The following SYN3 variants were observed in gnomAD, a reference collection of about 807,000 sequenced individuals.
The protein encoded by SYN3 is synapsin-3.
In SYN3, 35 loss-of-function variants were observed where a neutral mutation model predicts 65.8. The ratio of observed to expected loss-of-function variants is 0.53; its 90% CI spans 0.41 to 0.70. SYN3 has a LOEUF of 0.70. Among genes scored for constraint, SYN3 ranks in the 30% least tolerant of loss-of-function variants. The pLI is 0.00. For synonymous variants in SYN3, 270 were observed against 292.9 expected (o/e 0.92, Z 0.80); for missense variants, 680 against 749.0 (o/e 0.91, Z 1.08).
intron 7 of SYN3, among the ~76,000 whole-genome samples, chr22:32,564,414 T>C (rs1381256798): frequency 6.6e-6 from 1 of 152,206 alleles, no homozygotes; most frequent in African/African-American, 2.4e-5. Flanking sequence ...TCTGTAACCA[T>C]GGCCAGCCTT....
At chr22:32,532,794 CG>C (rs2058098894) in intron 10 of SYN3, among the ~76,000 whole-genome samples, 1 of 152,172 alleles carries the variant, frequency 6.6e-6, no homozygotes, top group African/African-American at 2.4e-5. Flanking sequence ...GCCCACACCC[CG>C]GGGAGGGGAC....
intron 6 of SYN3, among the ~76,000 whole-genome samples, chr22:32,748,793 C>A (rs1321132549): frequency 2.6e-5 from 4 of 152,172 alleles, no homozygotes. Context: ...ACATTAGAAG[C>A]CCCTGGTCTC....
intron 7 of SYN3, among the ~76,000 whole-genome samples, chr22:32,582,007 C>T (rs1022275506): frequency 6.6e-6 from 1 of 151,952 alleles, no homozygotes; most frequent in Admixed American, 6.6e-5. Flanking sequence ...ACCATGTTGG[C>T]CAGGCTGGTC....
At chr22:32,711,671 A>T (rs1445418103) in intron 6 of SYN3, among the ~76,000 whole-genome samples, 1 of 152,204 alleles carries the variant, frequency 6.6e-6, no homozygotes, top group Non-Finnish European at 1.5e-5. Context: ...CACTGGAAGA[A>T]ATCTCAATTC....
chr22:32,882,074 C>G (rs1300687653), intron 4 of SYN3, among the ~76,000 whole-genome samples: 1 of 150,340 alleles, frequency 6.7e-6, no homozygotes, highest in African/African-American at 2.4e-5. Context: ...AAAAAGGAAC[C>G]TCGAGGGTTT....
intron 4 of SYN3, among the ~76,000 whole-genome samples, chr22:32,872,936 CTTT>C (rs35506480): frequency 1.1e-4 from 13 of 115,158 alleles, no homozygotes; most frequent in East Asian, 1.0e-3. Context: ...GCCCTAAGCA[CTTT>C]TTTTTTTTTT....
chr22:33,012,326 T>G (rs1444986736), intron 1 of SYN3, among the ~76,000 whole-genome samples: 1 of 152,256 alleles, frequency 6.6e-6, no homozygotes, highest in East Asian at 1.9e-4. Flanking sequence ...ATTATTGTCT[T>G]GTTAATGCTT....
intron 6 of SYN3, among the ~76,000 whole-genome samples, chr22:32,714,738 T>C (rs1030044964): frequency 4.6e-5 from 7 of 152,198 alleles, no homozygotes; most frequent in African/African-American, 1.7e-4. Flanking sequence ...AAGATAGGCT[T>C]TGTGCTGCTA....
At chr22:32,949,272 G>T (rs1049741271) in intron 3 of SYN3, among the ~76,000 whole-genome samples, 3 of 151,930 alleles carry the variant, frequency 2.0e-5, no homozygotes, top group Non-Finnish European at 4.4e-5. Flanking sequence ...GCCAGGCATG[G>T]TGGTGTGCAC....
chr22:32,999,140 G>A (rs533618575), intron 2 of SYN3, among the ~76,000 whole-genome samples: 19 of 152,314 alleles, frequency 1.2e-4, no homozygotes, highest in South Asian at 1.2e-3. Context: ...TGGTATGTGC[G>A]CCTGCATGAT....
intron 1 of SYN3, chr22:33,057,859 G>A (rs886178483): frequency 6.6e-6 from 1 of 152,302 alleles, no homozygotes; most frequent in African/African-American, 2.4e-5. Context: ...CCAAACCCAA[G>A]GCAACAGGTC....
chr22:33,002,385 T>C (rs2053084356), intron 2 of SYN3, among the ~76,000 whole-genome samples: 1 of 152,214 alleles, frequency 6.6e-6, no homozygotes, highest in Non-Finnish European at 1.5e-5. Flanking sequence ...GGCTCACACC[T>C]GTAATCTCAG....
intron 12 of SYN3, among the ~76,000 whole-genome samples, chr22:32,523,756 A>T (rs1158465734): frequency 6.6e-6 from 1 of 152,230 alleles, no homozygotes; most frequent in East Asian, 1.9e-4. Context: ...AGAAATGATT[A>T]AGCTTAGTGA....
chr22:33,038,925 C>T (rs1470109293), intron 1 of SYN3, among the ~76,000 whole-genome samples: 1 of 152,226 alleles, frequency 6.6e-6, no homozygotes, highest in Non-Finnish European at 1.5e-5. Flanking sequence ...CATCTCTGCT[C>T]CAAGTCCCTG....
chr22:32,944,935 T>G (rs940686659), intron 3 of SYN3, among the ~76,000 whole-genome samples: 1 of 152,166 alleles, frequency 6.6e-6, no homozygotes, highest in African/African-American at 2.4e-5. Context: ...TAAACTCCCA[T>G]TCACAATTGC....
At chr22:32,828,942 A>G (rs2047492286) in intron 6 of SYN3, among the ~76,000 whole-genome samples, 1 of 152,100 alleles carries the variant, frequency 6.6e-6, no homozygotes, top group Non-Finnish European at 1.5e-5. Context: ...GGGAAAGACA[A>G]AAAACAAGGA....
At chr22:32,617,576 C>T (rs1297294850) in intron 6 of SYN3, among the ~76,000 whole-genome samples, 3 of 151,226 alleles carry the variant, frequency 2.0e-5, no homozygotes, top group Admixed American at 6.6e-5. Context: ...GATGGGGAAG[C>T]GGGGTGGGAC....
chr22:33,013,356 C>T (rs570819217), intron 1 of SYN3, among the ~76,000 whole-genome samples: 1 of 152,218 alleles, frequency 6.6e-6, no homozygotes, highest in South Asian at 2.1e-4. Flanking sequence ...GTGTGGTCAT[C>T]GAAATTCACT....
intron 6 of SYN3, among the ~76,000 whole-genome samples, chr22:32,644,566 C>T (rs866437221): frequency 2.0e-5 from 3 of 152,176 alleles, no homozygotes; most frequent in Admixed American, 1.3e-4. Context: ...GCTGGGCTGG[C>T]GGATGGACTG....
Sources: gnomAD v4.1 joint callset for allele counts (sites outside exome capture counted in the v4.1 genomes callset) on GRCh38, gnomAD v4.1.1 for gene constraint, MANE v1.5 for transcripts, NCBI Gene and HGNC (gene_info 2026-07-23, HGNC 2026-07-21) for gene names.